CCDC25: variants seen among roughly 807,000 people sequenced by gnomAD.
The protein encoded by CCDC25 is coiled-coil domain containing 25.
A neutral mutation model predicts 35.3 loss-of-function variants in CCDC25; 16 were observed. The observed-to-expected ratio is 0.45, with a 90% CI of 0.31 to 0.69. The LOEUF (loss-of-function observed/expected upper bound fraction) is 0.69. Among genes scored for constraint, CCDC25 ranks in the 30% least tolerant of loss-of-function variants. The probability of loss-of-function intolerance (pLI) is 0.06; values close to 1 mark genes in which losing one functional copy is unlikely to be tolerated. For missense variants in CCDC25, 179 were observed against 250.7 expected (o/e 0.71, Z 1.93); for synonymous variants, 79 against 80.3 (o/e 0.98, Z 0.09).
At chr8:27,751,990 A>G (rs60069779) in intron 5 of CCDC25, among the ~76,000 whole-genome samples, 1 of 152,296 alleles carries the variant, frequency 6.6e-6, no homozygotes, top group African/African-American at 2.4e-5. Flanking sequence ...TGGGGAGGGG[A>G]AGTAACAAGA....
rs146836795 is a variant in CCDC25, at chr8:27,759,608, C to CA, written c.116+2810dup. ...TGGGAGACAGAGCGAGACTCTGTCTCAAAAAAAAAAAAAAAAAAAAAATTA... is the reference window on the plus strand; with the variant it reads ...TGGGAGACAGAGCGAGACTCTGTCTCAAAAAAAAAAAAAAAAAAAAAAATTA... On this transcript the variant is annotated intron_variant, in intron 3 of 8. Coordinates refer to ENST00000356537, the MANE Select transcript of CCDC25 (RefSeq NM_018246.3). Among the ~76,000 whole-genome samples, 56 of 88,428 alleles carry CA rather than the reference C, an allele frequency of 6.3e-4. 1 individual carries two copies. The highest frequency in any genetic ancestry group is 5.7e-3 in the East Asian group (13 of 2,268). 58.0% of individuals were successfully genotyped at this position (88,428 alleles called of 152,430 possible).
chr8:27,754,536 G>T (rs950652457), intron 4 of CCDC25: 1 of 152,260 alleles, frequency 6.6e-6, no homozygotes, highest in South Asian at 2.1e-4. Context: ...TGTTGCCCAG[G>T]CTAGAGTGCA....
intron 7 of CCDC25, among the ~76,000 whole-genome samples, chr8:27,744,647 G>A (rs1254742029): frequency 6.6e-6 from 1 of 152,070 alleles, no homozygotes; most frequent in Non-Finnish European, 1.5e-5. Flanking sequence ...TGAAATTCTG[G>A]ACTAAACCTT....
chr8:27,752,515 G>A lies in CCDC25; in HGVS notation c.241C>T (p.Gln81Ter). 1 of 1,612,324 alleles carries A rather than the reference G, an allele frequency of 6.2e-7. No homozygotes were observed. The highest frequency in any genetic ancestry group is 1.1e-5 in the South Asian group (1 of 90,996). Residue 81 changes from glutamine to a stop codon, truncating the protein, a stop_gained, in exon 5 of 9, where the codon CAA (glutamine) becomes TAA (stop). Coordinates refer to ENST00000356537, the MANE Select transcript of CCDC25 (RefSeq NM_018246.3). LOFTEE classifies it high-confidence loss of function. ...AAACACCTCTAGGAAAACTGACCTT[G>A]AATGCTATTGGCCTTCACAAGGTGG... ...CAHLVKANSI[Q>*]GCKMNNVNVV... is the part of the protein sequence containing the mutation.
At chr8:27,761,275 A>T (rs1461489962) in intron 3 of CCDC25, among the ~76,000 whole-genome samples, 1 of 152,226 alleles carries the variant, frequency 6.6e-6, no homozygotes, top group Non-Finnish European at 1.5e-5. Flanking sequence ...AGAAGAAAGG[A>T]GCTGAAGCCA....
chr8:27,764,882 A>G (rs1243014261), intron 2 of CCDC25, among the ~76,000 whole-genome samples: 3 of 152,144 alleles, frequency 2.0e-5, no homozygotes, highest in Non-Finnish European at 4.4e-5. Flanking sequence ...GTACTTTTTC[A>G]TGATAATAAA....
chr8:27,766,916 GTA>G (rs1244964390), intron 1 of CCDC25, among the ~76,000 whole-genome samples: 8 of 150,544 alleles, frequency 5.3e-5, no homozygotes, highest in African/African-American at 2.0e-4. Flanking sequence ...GATTATAATG[GTA>G]TGTGTGTGTA....
At chr8:27,757,444 A>G (rs1804050293) in intron 3 of CCDC25, among the ~76,000 whole-genome samples, 2 of 152,216 alleles carry the variant, frequency 1.3e-5, no homozygotes, top group Admixed American at 1.3e-4. Context: ...ATATTCTGAC[A>G]GTGATACCAA....
chr8:27,738,601 GGT>G (rs35046025), intron 8 of CCDC25, among the ~76,000 whole-genome samples: 97 of 150,016 alleles, frequency 6.5e-4, no homozygotes, highest in East Asian at 9.8e-4. Context: ...TCGGTAGGTA[GGT>G]GTGTGTGTGT....
chr8:27,765,150 G>C, intron 2 of CCDC25, 54 bp downstream of exon 2: 2 of 1,453,458 alleles, frequency 1.4e-6, no homozygotes, highest in East Asian at 2.6e-5. Flanking sequence ...TGGTGAGTGA[G>C]AGATAACACT....
intron 3 of CCDC25, among the ~76,000 whole-genome samples, chr8:27,757,401 A>G (rs187153182): frequency 1.7e-4 from 26 of 152,308 alleles, no homozygotes; most frequent in Non-Finnish European, 7.4e-5. Flanking sequence ...ATGTAACCCA[A>G]TAATTCACAA....
rs1003964176 is a variant in CCDC25, at chr8:27,772,609, A to G, written c.-69T>C. Reference sequence around the variant, plus strand: ...CTCAACTCACGAAGCTCAGGATACCAGACTCGCGGCGGCCGCCTGGCCCCC... The same window carrying G: ...CTCAACTCACGAAGCTCAGGATACCGGACTCGCGGCGGCCGCCTGGCCCCC... On this transcript the variant is annotated 5_prime_UTR_variant, in exon 1 of 9. Coordinates refer to ENST00000356537, the MANE Select transcript of CCDC25 (RefSeq NM_018246.3). 5 of 1,495,576 alleles carry G rather than the reference A, an allele frequency of 3.3e-6. No homozygotes were observed. The highest frequency in any genetic ancestry group is 5.0e-5 in the East Asian group (2 of 40,110). 92.6% of individuals were successfully genotyped at this position (1,495,576 alleles called of 1,614,324 possible).
chr8:27,759,831 AG>A (rs1804162897), intron 3 of CCDC25, among the ~76,000 whole-genome samples: 2 of 150,722 alleles, frequency 1.3e-5, no homozygotes. Flanking sequence ...ACTGATTCCT[AG>A]GAAAACCCTT....
intron 5 of CCDC25, 40 bp from the exon 6 acceptor site, chr8:27,748,638 G>C (rs17477488): frequency 6.9e-7 from 1 of 1,453,374 alleles, no homozygotes; most frequent in South Asian, 1.1e-5. Flanking sequence ...GGCAGGATGA[G>C]ACTGAGCAAT....
chr8:27,756,980 GAGTA>G (rs1285694759), intron 3 of CCDC25, among the ~76,000 whole-genome samples: 5 of 152,186 alleles, frequency 3.3e-5, no homozygotes, highest in African/African-American at 9.7e-5. Context: ...ATGGAGCTGT[GAGTA>G]AGTGCCAAGA....
chr8:27,734,210 C>T lies in CCDC25; in HGVS notation c.*2006G>A, dbSNP rs1043326731. Reference sequence around the variant, plus strand: ...CTTGCCCAAAGATCGTGAGCCTAGACAAAGGTGGATAAGAAATATGAAGTC... The same window carrying T: ...CTTGCCCAAAGATCGTGAGCCTAGATAAAGGTGGATAAGAAATATGAAGTC... On this transcript the variant is annotated 3_prime_UTR_variant, in exon 9 of 9. Transcript: ENST00000356537. 4 of 152,142 alleles carry T rather than the reference C, an allele frequency of 2.6e-5. No homozygotes were observed. Among genetic ancestry groups the T allele is most frequent in the African/African-American group, 7.2e-5 (3 of 41,422 alleles). The allele number at this position is 152,142 out of a possible 1,614,324, so 9.4% of individuals were successfully genotyped here. A position where few individuals can be genotyped will look rare whatever the true frequency, so the allele number is the denominator to read the frequency against.
chr8:27,753,375 A>G (rs1031306131), intron 4 of CCDC25, among the ~76,000 whole-genome samples: 2 of 152,154 alleles, frequency 1.3e-5, no homozygotes, highest in African/African-American at 4.8e-5. Context: ...ACTGCAGGAA[A>G]TTAATCAGGT....
rs968546979 is a variant in CCDC25 at position 27,737,077 on chromosome 8, A to T, written c.598-832T>A. On this transcript the variant is annotated intron_variant, in intron 8 of 8. Transcript: ENST00000356537. The surrounding 1 kb of genome is among the most constrained non-coding windows in gnomAD (Gnocchi z 4.6). Reference sequence around the variant, plus strand: ...TGGCCCTTATTAAAGATGGTAGAGAAATACGATATGGGTAGAAAACATTGG... The same window carrying T: ...TGGCCCTTATTAAAGATGGTAGAGATATACGATATGGGTAGAAAACATTGG... Among the ~76,000 whole-genome samples, 1 of 152,202 alleles carries T rather than the reference A, an allele frequency of 6.6e-6. No individual in the cohort carries two copies. Among genetic ancestry groups the T allele is most frequent in the Non-Finnish European group, 1.5e-5 (1 of 68,036 alleles).
In CCDC25 at chr8:27,770,616, G is replaced by A. The variant is rs1434075713; in HGVS notation, c.28+1897C>T. On this transcript the variant is annotated intron_variant, in intron 1 of 8. Transcript: ENST00000356537. ...TAGCCAGGCTTGGTGGCGCATTCCT[G>A]TAATCCCAGCTACACAGGAGGCTGA... 4.0e-5 allele frequency among the ~76,000 whole-genome samples: 6 copies of A among 151,144 alleles called. No individual in the cohort carries two copies. In the South Asian group the frequency reaches 6.2e-4, roughly 16 times the overall value.
Sources: gnomAD v4.1 joint callset for allele counts (sites outside exome capture counted in the v4.1 genomes callset) on GRCh38, gnomAD v4.1.1 for gene constraint, Gnocchi (gnomAD v3.1) non-coding constraint, MANE v1.5 for transcripts, NCBI Gene and HGNC (gene_info 2026-07-23, HGNC 2026-07-21) for gene names.